SP4: variants seen among roughly 807,000 people sequenced by gnomAD.
SP4 encodes Sp4 transcription factor, also known as transcription factor Sp4.
SP4 carries 19 observed loss-of-function variants against 72.8 expected under a neutral mutation model. The observed-to-expected ratio is 0.26, with a 90% confidence interval of 0.18 to 0.38. The LOEUF is 0.38. SP4 is among the 10% of genes least tolerant of loss of function. The pLI is 1.00. For synonymous variants in SP4, 395 were observed against 333.1 expected (o/e 1.19, Z -2.02); for missense variants, 1,008 against 926.3 (o/e 1.09, Z -1.14).
intron 3 of SP4, among the ~76,000 whole-genome samples, chr7:21,441,359 TC>T (rs754446095): frequency 3.7e-4 from 56 of 152,216 alleles, no homozygotes; most frequent in Non-Finnish European, 7.2e-4. Flanking sequence ...TGATGGGTTC[TC>T]TTCTGTGTGC....
In SP4 at chr7:21,430,340, C is replaced by G; in HGVS notation, c.1175C>G (p.Ser392Cys). 6.2e-7 allele frequency: 1 copy of G among 1,614,216 alleles called. No homozygotes were observed. The highest frequency in any genetic ancestry group is 8.5e-7 in the Non-Finnish European group (1 of 1,180,046). Residue 392 changes from serine (S) to cysteine (C), a missense_variant, in exon 3 of 6, where the codon TCT becomes TGT. By Grantham distance (112) the Ser-to-Cys change is moderately radical. Coordinates refer to ENST00000222584, the MANE Select transcript of SP4 (RefSeq NM_003112.5). ...GMQNAQDQSN[S>C]LQQVQIVGQP... ...CAGAATGCACAGGATCAATCAAATT[C>G]TCTTCAGCAGGTGCAAATTGTAGGC...
intron 5 of SP4, among the ~76,000 whole-genome samples, chr7:21,502,415 G>A (rs939308618): frequency 2.6e-5 from 4 of 151,924 alleles, no homozygotes; most frequent in Non-Finnish European, 2.9e-5. Context: ...GAGAATGAGG[G>A]GTTCTGACCT....
At position 21,482,678 on chromosome 7, in the gene SP4, C is replaced by T. The variant is rs545652129; in HGVS notation, c.2107+555C>T. On this transcript the variant is annotated intron_variant, in intron 5 of 5. Transcript: ENST00000222584. ...TTCAAAGACTGCAGCTGCTATAAAT[C>T]TAATGTGTCTAAGTTTTACGTACAC... 4 of 983,280 alleles carry T rather than the reference C, an allele frequency of 4.1e-6. No homozygotes were observed. In the East Asian group the frequency reaches 4.5e-4, roughly 112 times the overall value. The allele number at this position is 983,280 out of a possible 1,614,324, so 60.9% of individuals were successfully genotyped here. A position where few individuals can be genotyped will look rare whatever the true frequency, so the allele number is the denominator to read the frequency against.
At chr7:21,475,850 T>G (rs1264300295) in intron 3 of SP4, among the ~76,000 whole-genome samples, 1 of 152,244 alleles carries the variant, frequency 6.6e-6, no homozygotes, top group Admixed American at 6.5e-5. Context: ...ACTTAATACT[T>G]ACATCAACTT....
At chr7:21,495,247 A>C (rs1318737781) in intron 5 of SP4, among the ~76,000 whole-genome samples, 1 of 152,140 alleles carries the variant, frequency 6.6e-6, no homozygotes, top group Non-Finnish European at 1.5e-5. Flanking sequence ...CTTGATGAAA[A>C]CTAAAAACTT....
At chr7:21,452,100 A>G (rs1191802689) in intron 3 of SP4, among the ~76,000 whole-genome samples, 1 of 152,240 alleles carries the variant, frequency 6.6e-6, no homozygotes, top group Non-Finnish European at 1.5e-5. Flanking sequence ...AAAAAAACTT[A>G]ATAACAACTG....
chr7:21,488,947 A>G (rs961846724), intron 5 of SP4, among the ~76,000 whole-genome samples: 1 of 152,210 alleles, frequency 6.6e-6, no homozygotes, highest in East Asian at 1.9e-4. Context: ...TTTGCCATTC[A>G]TAATCCACTT....
At chr7:21,476,150 T>C (rs553769240) in intron 3 of SP4, among the ~76,000 whole-genome samples, 21 of 151,966 alleles carry the variant, frequency 1.4e-4, no homozygotes, top group Non-Finnish European at 2.1e-4. Flanking sequence ...GGCACACGCC[T>C]GTCATCCCAG....
At chr7:21,428,617 G>A (rs1050987399) in intron 1 of SP4, 60 bp from the exon 2 acceptor site, 5 of 1,457,766 alleles carry the variant, frequency 3.4e-6, no homozygotes, top group Non-Finnish European at 4.6e-6. Flanking sequence ...GGAAGAAGAC[G>A]AATAATAATA....
chr7:21,497,595 C>T (rs1036406893), intron 5 of SP4, among the ~76,000 whole-genome samples: 3 of 152,064 alleles, frequency 2.0e-5, no homozygotes, highest in African/African-American at 7.2e-5. Context: ...GCTCTTGCCC[C>T]CTCTTTCTTT....
intron 5 of SP4, among the ~76,000 whole-genome samples, chr7:21,509,932 G>T (rs1782100024): frequency 6.6e-6 from 1 of 152,320 alleles, no homozygotes; most frequent in East Asian, 1.9e-4. Context: ...TCACAATCAT[G>T]GTGGAGGGCA....
At position 21,477,234 on chromosome 7, in the gene SP4, C is replaced by A. The variant is rs1471846309; in HGVS notation, c.1834C>A (p.Gln612Lys). ...GCAGCAAGGCCAGCAGACTTCTGAT[C>A]AAGAGGTACAACCTGGCAAGAGGCT... ...HLQQGQQTSD[Q>K]EVQPGKRLRR... is the part of the protein sequence containing the mutation. The change falls in exon 4 of 6, where the codon CAA (glutamine) becomes AAA (lysine). Residue 612 changes from glutamine to lysine, a missense_variant. By Grantham distance (53) the Gln-to-Lys change is moderately conservative. This residue lies in a region of SP4 where 893 missense variants were observed against 743.3 expected (regional missense o/e 1.20). Transcript: ENST00000222584. 1.2e-6 allele frequency: 2 copies of A among 1,614,170 alleles called. No individual in the cohort carries two copies. The highest frequency in any genetic ancestry group is 3.3e-5 in the Admixed American group (2 of 60,022).
At chr7:21,487,250 G>A (rs1187227919) in intron 5 of SP4, among the ~76,000 whole-genome samples, 1 of 151,934 alleles carries the variant, frequency 6.6e-6, no homozygotes, top group Non-Finnish European at 1.5e-5. Context: ...TTAATCTGTG[G>A]TGTGCTGCTA....
intron 3 of SP4, among the ~76,000 whole-genome samples, chr7:21,447,943 C>G (rs2128397262): frequency 6.6e-6 from 1 of 152,280 alleles, no homozygotes; most frequent in Non-Finnish European, 1.5e-5. Context: ...TTCGGCCTCC[C>G]AAAGTGCTGG....
intron 5 of SP4, among the ~76,000 whole-genome samples, chr7:21,490,443 A>T (rs913947416): frequency 1.1e-4 from 17 of 152,234 alleles, no homozygotes; most frequent in Non-Finnish European, 2.4e-4. Context: ...GGGAACTAGA[A>T]AATAGAGTCT....
intron 3 of SP4, chr7:21,471,174 G>C: frequency 1.9e-6 from 1 of 532,370 alleles, no homozygotes; most frequent in Non-Finnish European, 3.9e-6. Flanking sequence ...AACTAAGCAG[G>C]AGTTAGATCA....
chr7:21,488,530 T>C (rs1429387017), intron 5 of SP4, among the ~76,000 whole-genome samples: 1 of 151,728 alleles, frequency 6.6e-6, no homozygotes, highest in Non-Finnish European at 1.5e-5. Flanking sequence ...GCCTTTACTA[T>C]TATTTTAATG....
chr7:21,436,230 ATT>A (rs1283931077), intron 3 of SP4, among the ~76,000 whole-genome samples: 2 of 152,160 alleles, frequency 1.3e-5, no homozygotes, highest in Non-Finnish European at 2.9e-5. Context: ...TGCTTTTCAA[ATT>A]CTGAATCGGA....
chr7:21,508,234 T>C (rs1167968287), intron 5 of SP4, among the ~76,000 whole-genome samples: 3 of 151,944 alleles, frequency 2.0e-5, no homozygotes, highest in Non-Finnish European at 4.4e-5. Context: ...GGCCCCCAGG[T>C]TTGTGAGAAA....
Sources: gnomAD v4.1 joint callset for allele counts (sites outside exome capture counted in the v4.1 genomes callset) on GRCh38, gnomAD v4.1.1 for gene constraint, gnomAD v4.1.1 regional missense constraint, MANE v1.5 for transcripts, NCBI Gene and HGNC (gene_info 2026-07-23, HGNC 2026-07-21) for gene names.